The following ABCC4 variants were observed in gnomAD, a reference collection of about 807,000 sequenced individuals.
The protein encoded by ABCC4 is ATP binding cassette subfamily C member 4 (PEL blood group).
A neutral mutation model predicts 168.5 loss-of-function variants in ABCC4; 102 were observed. The ratio of observed to expected loss-of-function variants is 0.61; its 90% CI spans 0.52 to 0.71. ABCC4 has a LOEUF of 0.71. ABCC4 is among the 30% of genes least tolerant of loss of function. The pLI, the probability that ABCC4 is intolerant of heterozygous loss-of-function variation, is 0.00. For missense variants in ABCC4, 1,402 were observed against 1,605.8 expected (o/e 0.87, Z 2.17); for synonymous variants, 617 against 590.7 (o/e 1.04, Z -0.65).
At chr13:95,078,710 A>G (rs2033993802) in intron 21 of ABCC4, among the ~76,000 whole-genome samples, 1 of 152,142 alleles carries the variant, frequency 6.6e-6, no homozygotes, top group Non-Finnish European at 1.5e-5. Flanking sequence ...TACCCTACAA[A>G]GAGTTTGGCT....
chr13:95,243,661 C>T (rs1238282420), intron 3 of ABCC4, among the ~76,000 whole-genome samples: 1 of 152,202 alleles, frequency 6.6e-6, no homozygotes, highest in Middle Eastern at 3.4e-3. Flanking sequence ...GCGAGGTGGG[C>T]CGATGGCTTG....
At chr13:95,223,372 G>A (rs2039357973) in intron 4 of ABCC4, among the ~76,000 whole-genome samples, 1 of 151,118 alleles carries the variant, frequency 6.6e-6, no homozygotes. Context: ...AATCCAAGTA[G>A]GCACACACAT....
chr13:95,032,071 C>T lies in ABCC4; in HGVS notation c.3870+2534G>A, dbSNP rs571129796. On this transcript the variant is annotated intron_variant, in intron 30 of 30. Transcript: ENST00000645237. ...TATGAGGGAAGCTTTGGCTGGGAGA[C>T]ACGCTAGAAGATAAAAGTATTCTGT... Among the ~76,000 whole-genome samples the T allele has an allele frequency of 3.9e-5, 6 of 152,244 alleles. No homozygotes were observed. The South Asian group carries it at 1.2e-3, about 32-fold the overall frequency.
At position 95,115,940 on chromosome 13, in the gene ABCC4, C is replaced by T. The variant is rs945172105; in HGVS notation, c.2517G>A (p.Thr839=). The change falls in exon 20 of 31, where the codon ACG becomes ACA. Residue 839 remains threonine (T), a synonymous_variant. Transcript: ENST00000645237. ...IGHLDDLLPL[T]FLDFIQTLLQ... ...ACGTTACCTGGATGAAATCTAAAAACGTCAGCGGCAGCAAATCATCCAAGT... is the reference window on the plus strand; with the variant it reads ...ACGTTACCTGGATGAAATCTAAAAATGTCAGCGGCAGCAAATCATCCAAGT... The T allele has an allele frequency of 3.5e-5, 56 of 1,610,878 alleles. No individual in the cohort carries two copies. The highest frequency in any genetic ancestry group is 4.2e-5 in the Non-Finnish European group (49 of 1,178,352).
At chr13:95,131,233 T>C (rs2035947918) in intron 19 of ABCC4, among the ~76,000 whole-genome samples, 1 of 151,988 alleles carries the variant, frequency 6.6e-6, no homozygotes, top group Non-Finnish European at 1.5e-5. Context: ...TTTTCAAGTG[T>C]AGGATTAAAA....
At chr13:95,151,148 T>C (rs1033970209) in intron 19 of ABCC4, among the ~76,000 whole-genome samples, 6 of 152,202 alleles carry the variant, frequency 3.9e-5, no homozygotes, top group African/African-American at 9.7e-5. Flanking sequence ...ATCTTTTTGA[T>C]ATGAGATCAT....
chr13:95,133,510 C>T (rs1373409373), intron 19 of ABCC4, among the ~76,000 whole-genome samples: 1 of 152,154 alleles, frequency 6.6e-6, no homozygotes, highest in East Asian at 1.9e-4. Flanking sequence ...ACCATCAGAG[C>T]ATTCAGCTCG....
At chr13:95,251,303 T>C (rs2138819666) in intron 1 of ABCC4, among the ~76,000 whole-genome samples, 1 of 152,314 alleles carries the variant, frequency 6.6e-6, no homozygotes, top group East Asian at 1.9e-4. Context: ...TAGCCCTCTC[T>C]GCCTCCTTAA....
At chr13:95,072,241 A>T (rs1408452987) in intron 24 of ABCC4, among the ~76,000 whole-genome samples, 2 of 152,236 alleles carry the variant, frequency 1.3e-5, no homozygotes, top group African/African-American at 2.4e-5. Context: ...CAGGTGGATC[A>T]CCTAAGGTCA....
At chr13:95,073,443 A>G in intron 23 of ABCC4, 139 bp from the exon 24 acceptor site, 2 of 501,852 alleles carry the variant, frequency 4.0e-6, no homozygotes, top group Non-Finnish European at 6.8e-6. Context: ...TACTTTTACC[A>G]TTTGTTGCTT....
At chr13:95,246,939 C>A (rs1340063234) in intron 3 of ABCC4, 36 bp downstream of exon 3, 15 of 1,603,908 alleles carry the variant, frequency 9.4e-6, no homozygotes, top group Non-Finnish European at 1.3e-5. Flanking sequence ...CTCTATGTGT[C>A]CTGAAAAACA....
intron 20 of ABCC4, among the ~76,000 whole-genome samples, chr13:95,096,707 C>A (rs1034795231): frequency 2.0e-5 from 3 of 152,048 alleles, no homozygotes; most frequent in Admixed American, 1.3e-4. Context: ...AATCTTCTAT[C>A]TGTTGAAAAG....
At chr13:95,162,097 T>A (rs900627687) in intron 18 of ABCC4, among the ~76,000 whole-genome samples, 2 of 152,230 alleles carry the variant, frequency 1.3e-5, no homozygotes, top group African/African-American at 4.8e-5. Flanking sequence ...CCCTTTCAGA[T>A]GACATGTCAC....
intron 13 of ABCC4, among the ~76,000 whole-genome samples, chr13:95,176,872 G>C (rs568053650): frequency 6.6e-6 from 1 of 152,284 alleles, no homozygotes; most frequent in South Asian, 2.1e-4. Flanking sequence ...TTTCAAAAAG[G>C]CCAGTCTAGA....
At chr13:95,225,968 T>TA (rs11414379) in intron 4 of ABCC4, among the ~76,000 whole-genome samples, 88,573 of 117,640 alleles carry the variant, frequency 0.75, 33,730 homozygotes, top group East Asian at 0.99. Context: ...CATCTCCACT[T>TA]AAAAAAAAAA....
intron 1 of ABCC4, among the ~76,000 whole-genome samples, chr13:95,249,929 T>C (rs1274836741): frequency 6.6e-6 from 1 of 152,166 alleles, no homozygotes; most frequent in African/African-American, 2.4e-5. Flanking sequence ...TGAGTTAAAG[T>C]ATCTGCAATC....
intron 1 of ABCC4, among the ~76,000 whole-genome samples, chr13:95,285,277 G>C (rs1286851039): frequency 6.6e-6 from 1 of 150,940 alleles, no homozygotes; most frequent in Non-Finnish European, 1.5e-5. Flanking sequence ...GGGGCCAGGC[G>C]TGGTAGCTTA....
chr13:95,078,610 G>A (rs1566398476), intron 21 of ABCC4, among the ~76,000 whole-genome samples: 2 of 152,142 alleles, frequency 1.3e-5, no homozygotes, highest in South Asian at 2.1e-4. Flanking sequence ...TTTTCTGCAC[G>A]CCCCAGATGT....
chr13:95,153,968 A>C lies in ABCC4; in HGVS notation c.2455+7221T>G, dbSNP rs1399938634. Among the ~76,000 whole-genome samples, 9 of 152,160 alleles carry C rather than the reference A, an allele frequency of 5.9e-5. No individual in the cohort carries two copies. In the East Asian group the frequency reaches 1.5e-3, roughly 26 times the overall value. On this transcript the variant is annotated intron_variant, in intron 19 of 30. Transcript: ENST00000645237. ...TCACCCCTGATAAGAGTTTAAGTAC[A>C]TATAACCATTGTTATGTGAAAAAAA...
Sources: allele counts gnomAD v4.1 joint callset (sites outside exome capture counted in the v4.1 genomes callset), GRCh38; gene constraint gnomAD v4.1.1; transcripts MANE v1.5; gene names NCBI Gene and HGNC (gene_info 2026-07-23, HGNC 2026-07-21).